The following DTD1 variants were observed in gnomAD, a reference collection of about 807,000 sequenced individuals.
DTD1 encodes the protein D-tyrosyl-tRNA deacylase 1 homolog.
A neutral mutation model predicts 25.6 loss-of-function variants in DTD1; 13 were observed. That is an observed-to-expected ratio of 0.51 (90% CI 0.33 to 0.81). The LOEUF is 0.81. Ranked by LOEUF, DTD1 falls within the 30% of genes least tolerant of loss-of-function variation. The pLI is 0.02. For synonymous variants in DTD1, 110 were observed against 103.6 expected, an observed-to-expected ratio of 1.06 and a Z score of -0.37; for missense variants, 193 against 266.4, an observed-to-expected ratio of 0.72 and a Z score of 1.92.
intron 4 of DTD1, among the ~76,000 whole-genome samples, chr20:18,649,553 G>A (rs370148863): frequency 5.9e-5 from 9 of 151,588 alleles, no homozygotes; most frequent in African/African-American, 1.7e-4. Flanking sequence ...TAGCCAGGAT[G>A]GTCTCAATCT....
intron 4 of DTD1, among the ~76,000 whole-genome samples, chr20:18,669,768 G>A (rs952777840): frequency 2.0e-5 from 3 of 152,142 alleles, no homozygotes; most frequent in African/African-American, 7.2e-5. Flanking sequence ...TCCCGGGGGG[G>A]TCTGCATGCC....
At position 18,749,333 on chromosome 20, in the gene DTD1, G is replaced by A. The variant is rs2061313121; in HGVS notation, c.*19+5062G>A. ...TGTGAGAGTGCTGCTCAGCATCGCC[G>A]TGGGGTGGGGAAGGCTCCAGAGGGT... is the stretch of plus-strand genomic sequence containing the variant. On this transcript the variant is annotated intron_variant, in intron 5 of 5. Coordinates refer to ENST00000377452, the MANE Select transcript of DTD1 (RefSeq NM_080820.6). This position sits in a 1 kb window ranked among gnomAD's most constrained non-coding sequence, Gnocchi z 4.2. Among the ~76,000 whole-genome samples the A allele has an allele frequency of 1.3e-5, 2 of 152,190 alleles. No individual in the cohort carries two copies. Among genetic ancestry groups the A allele is most frequent in the South Asian group, 2.1e-4 (1 of 4,828 alleles).
At chr20:18,722,006 A>T (rs1287304674) in intron 4 of DTD1, among the ~76,000 whole-genome samples, 1 of 152,192 alleles carries the variant, frequency 6.6e-6, no homozygotes, top group Non-Finnish European at 1.5e-5. Flanking sequence ...GGACCTTGGC[A>T]GTGTTTTCCT....
At chr20:18,761,662 A>G (rs1164487943) in intron 5 of DTD1, among the ~76,000 whole-genome samples, 3 of 152,242 alleles carry the variant, frequency 2.0e-5, no homozygotes, top group Non-Finnish European at 4.4e-5. Context: ...AATACGTTCA[A>G]CCAGGATTCC....
At chr20:18,685,896 G>C (rs2061014837) in intron 4 of DTD1, among the ~76,000 whole-genome samples, 1 of 152,200 alleles carries the variant, frequency 6.6e-6, no homozygotes, top group African/African-American at 2.4e-5. Context: ...CCAAGTCATG[G>C]TTTTTCTTTT....
intron 4 of DTD1, among the ~76,000 whole-genome samples, chr20:18,737,576 C>A (rs546105485): frequency 1.3e-5 from 2 of 152,346 alleles, no homozygotes; most frequent in Admixed American, 1.3e-4. Context: ...ACTCTGCTCC[C>A]TCACTCTGAT....
chr20:18,591,252 C>T (rs1020317191), intron 1 of DTD1, among the ~76,000 whole-genome samples: 3 of 152,160 alleles, frequency 2.0e-5, no homozygotes, highest in Non-Finnish European at 4.4e-5. Flanking sequence ...TAATTTGTTT[C>T]ATGTTAAGAT....
chr20:18,720,671 A>G (rs542361186), intron 4 of DTD1, among the ~76,000 whole-genome samples: 62 of 152,232 alleles, frequency 4.1e-4, no homozygotes, highest in Admixed American at 8.5e-4. Flanking sequence ...CCTGGGCCAC[A>G]TGGCAAAATC....
intron 4 of DTD1, among the ~76,000 whole-genome samples, chr20:18,682,373 G>A (rs2061001353): frequency 6.6e-6 from 1 of 152,216 alleles, no homozygotes; most frequent in African/African-American, 2.4e-5. Context: ...TTGAAGAAAT[G>A]TAACATGCTC....
chr20:18,687,588 T>C (rs1487918485), intron 4 of DTD1, among the ~76,000 whole-genome samples: 1 of 152,184 alleles, frequency 6.6e-6, no homozygotes, highest in East Asian at 1.9e-4. Flanking sequence ...AGATAAGGTT[T>C]CTGTCACCCA....
chr20:18,692,790 G>A (rs947328519), intron 4 of DTD1, among the ~76,000 whole-genome samples: 1 of 151,834 alleles, frequency 6.6e-6, no homozygotes, highest in Non-Finnish European at 1.5e-5. Context: ...AGAGCTGCAT[G>A]TGAATTAATC....
At chr20:18,708,175 AT>A (rs1246434940) in intron 4 of DTD1, among the ~76,000 whole-genome samples, 1 of 104,524 alleles carries the variant, frequency 9.6e-6, no homozygotes, top group Non-Finnish European at 1.8e-5. Context: ...GTGTGTGTAT[AT>A]ATATATTTTA....
chr20:18,698,200 G>A (rs1021882336), intron 4 of DTD1, among the ~76,000 whole-genome samples: 2 of 152,174 alleles, frequency 1.3e-5, no homozygotes, highest in Admixed American at 1.3e-4. Flanking sequence ...ACATAGTTCA[G>A]TTCTGTATTA....
At chr20:18,700,576 T>TTACA (rs2061100723) in intron 4 of DTD1, among the ~76,000 whole-genome samples, 1 of 152,208 alleles carries the variant, frequency 6.6e-6, no homozygotes, top group South Asian at 2.1e-4. Flanking sequence ...TGTGGATGAA[T>TTACA]TACATAGTGG....
At chr20:18,718,628 C>CT (rs768482178) in intron 4 of DTD1, among the ~76,000 whole-genome samples, 11 of 152,098 alleles carry the variant, frequency 7.2e-5, no homozygotes, top group Non-Finnish European at 1.3e-4. Context: ...GAATTTGCTG[C>CT]TTTTTGACCA....
chr20:18,700,557 T>TTTTTG (rs1183020632), intron 4 of DTD1, among the ~76,000 whole-genome samples: 1 of 152,180 alleles, frequency 6.6e-6, no homozygotes, highest in Non-Finnish European at 1.5e-5. Context: ...AGTGGGATTT[T>TTTTTG]TTTTGTTATG....
rs186147275 is a variant in DTD1, at chr20:18,704,220, T to G, written c.478-39880T>G. On this transcript the variant is annotated intron_variant, in intron 4 of 5. Coordinates refer to ENST00000377452, the MANE Select transcript of DTD1 (RefSeq NM_080820.6). ...TTTCACCATGTTAGCCAGGATGGTCTCGATCTCCTGAGCTCGTGATCCTCC... is the reference window on the plus strand; with the variant it reads ...TTTCACCATGTTAGCCAGGATGGTCGCGATCTCCTGAGCTCGTGATCCTCC... 1.4e-3 allele frequency among the ~76,000 whole-genome samples: 211 copies of G among 152,198 alleles called. 3 individuals carry two copies. Among genetic ancestry groups the G allele is most frequent in the Middle Eastern group, 3.4e-3 (1 of 292 alleles).
intron 4 of DTD1, among the ~76,000 whole-genome samples, chr20:18,743,690 A>AG (rs3056287): frequency 4.4e-5 from 2 of 45,300 alleles, no homozygotes; most frequent in African/African-American, 1.0e-4. Flanking sequence ...AAAAAAAAAA[A>AG]AAAGAAAAGA....
rs571834566 is a variant in DTD1, at chr20:18,765,652, C to T, written c.*2312C>T. The T allele has an allele frequency of 1.2e-4, 18 of 152,188 alleles. No individual in the cohort carries two copies. The highest frequency in any genetic ancestry group is 4.3e-4 in the African/African-American group (18 of 41,522). 9.4% of individuals were successfully genotyped at this position (152,188 alleles called of 1,614,324 possible). A position where few individuals can be genotyped will look rare whatever the true frequency, so the allele number is the denominator to read the frequency against. ...AACCCCATAATATCTGCAGCTGCCT[C>T]AAAAAGGTGGTTAATTTCCACCCCC... is the stretch of plus-strand genomic sequence containing the variant. On this transcript the variant is annotated 3_prime_UTR_variant, in exon 6 of 6. Coordinates refer to ENST00000377452, the MANE Select transcript of DTD1 (RefSeq NM_080820.6).
Sources: gnomAD v4.1 joint callset for allele counts (sites outside exome capture counted in the v4.1 genomes callset) on GRCh38, gnomAD v4.1.1 for gene constraint, Gnocchi (gnomAD v3.1) non-coding constraint, MANE v1.5 for transcripts, NCBI Gene and HGNC (gene_info 2026-07-23, HGNC 2026-07-21) for gene names.